LARGE1: variants seen among roughly 807,000 people sequenced by gnomAD.
LARGE1 encodes LARGE xylosyl- and glucuronyltransferase 1.
In LARGE1, 43 loss-of-function variants were observed where a neutral mutation model predicts 87.6. The observed-to-expected ratio is 0.49, with a 90% CI of 0.38 to 0.63. LARGE1 has a LOEUF of 0.63. LARGE1 is among the 30% of genes least tolerant of loss of function. The pLI is 0.00. For synonymous variants in LARGE1, 434 were observed against 394.6 expected, an observed-to-expected ratio of 1.10 and a Z score of -1.18; for missense variants, 802 against 1,000.2, an observed-to-expected ratio of 0.80 and a Z score of 2.67.
chr22:33,093,980 G>A, the LARGE1 span, among the ~76,000 whole-genome samples: 3 of 151,606 alleles, frequency 2.0e-5, no homozygotes, highest in Non-Finnish European at 2.9e-5. Context: ...TCAAAGTCCC[G>A]ACCTCAGGTG....
chr22:33,325,438 G>A (rs1433731636), intron 10 of LARGE1, among the ~76,000 whole-genome samples: 1 of 152,248 alleles, frequency 6.6e-6, no homozygotes, highest in African/African-American at 2.4e-5. Flanking sequence ...GACAGCCAGA[G>A]CAAGAGAATC....
chr22:33,922,457 G>C (rs1410797964), upstream of LARGE1: 6 of 152,258 alleles, frequency 3.9e-5, no homozygotes, highest in Non-Finnish European at 8.8e-5. Context: ...GCTTTGCCCC[G>C]GCTCCGGAGC....
chr22:33,378,894 G>A (rs2065068658), intron 9 of LARGE1, among the ~76,000 whole-genome samples: 1 of 152,138 alleles, frequency 6.6e-6, no homozygotes, highest in Admixed American at 6.5e-5. Context: ...TTACTAGAAT[G>A]GCTCCTGAAA....
chr22:33,231,076 GTTGT>G (rs1342733672), intron 11 of LARGE1, among the ~76,000 whole-genome samples: 4 of 152,108 alleles, frequency 2.6e-5, no homozygotes, highest in Admixed American at 1.3e-4. Flanking sequence ...GTAAATATTG[GTTGT>G]TTGTTGGTTG....
At chr22:33,346,415 G>C (rs958671212) in intron 9 of LARGE1, among the ~76,000 whole-genome samples, 7 of 151,820 alleles carry the variant, frequency 4.6e-5, no homozygotes, top group Non-Finnish European at 1.0e-4. Flanking sequence ...CGATTCTCCC[G>C]CCTCAGCCTC....
chr22:33,179,581 T>C (rs16991936), intron 11 of LARGE1, among the ~76,000 whole-genome samples: 12,705 of 152,266 alleles, frequency 0.083, 697 homozygotes, highest in Middle Eastern at 0.2. Flanking sequence ...TCTGCCTTTA[T>C]GAAGTTACAT....
intron 1 of LARGE1, among the ~76,000 whole-genome samples, chr22:33,824,494 CCTCCAAGCCCCTCCTCCAA>C (rs777504373): frequency 5.8e-4 from 89 of 152,298 alleles, no homozygotes; most frequent in Non-Finnish European, 1.0e-3. Flanking sequence ...CAATCACCTC[CCTCCAAGCCCCTCCTCCAA>C]CACATGGGGA....
At position 33,274,631 on chromosome 22, in the gene LARGE1, G is replaced by A; in HGVS notation, c.2074-7C>T. Reference sequence around the variant, plus strand: ...GCACAATGAACTCATACTCCTGGAAGAAGACAAGAGCAGCGTGAGAACCCG... The same window carrying A: ...GCACAATGAACTCATACTCCTGGAAAAAGACAAGAGCAGCGTGAGAACCCG... On this transcript the variant is annotated splice_region_variant and splice_polypyrimidine_tract_variant and intron_variant, in intron 14 of 14. Transcript: ENST00000397394. 3.7e-6 allele frequency: 6 copies of A among 1,613,960 alleles called. No individual in the cohort carries two copies. Among genetic ancestry groups the A allele is most frequent in the East Asian group, 4.5e-5 (2 of 44,874 alleles).
chr22:33,382,721 C>T (rs1009451578), intron 8 of LARGE1, among the ~76,000 whole-genome samples: 1 of 152,134 alleles, frequency 6.6e-6, no homozygotes, highest in South Asian at 2.1e-4. Flanking sequence ...GCCTTCGTGG[C>T]AGAAGATGGC....
intron 4 of LARGE1, among the ~76,000 whole-genome samples, chr22:33,619,145 T>G (rs1331115211): frequency 6.6e-6 from 1 of 152,116 alleles, no homozygotes; most frequent in Non-Finnish European, 1.5e-5. Context: ...TTCTTCCTGG[T>G]CACGAGACAA....
chr22:33,469,817 G>C (rs1569191816), intron 6 of LARGE1, among the ~76,000 whole-genome samples: 2 of 112,950 alleles, frequency 1.8e-5, no homozygotes, highest in Non-Finnish European at 1.9e-5. Flanking sequence ...GACAGAGTGA[G>C]ACTCCATCTT....
Position 33,604,428 on chromosome 22 carries a change from C to T in LARGE1, c.615+7G>A. On this transcript the variant is annotated splice_region_variant and intron_variant, in intron 5 of 14. Coordinates refer to ENST00000397394, the MANE Select transcript of LARGE1 (RefSeq NM_133642.5). Reference sequence around the variant, plus strand: ...GATCACGGAAGTGCCTCCCCTCCTGCCCATACCTTGAGCTCGTCTGCATTG... The same window carrying T: ...GATCACGGAAGTGCCTCCCCTCCTGTCCATACCTTGAGCTCGTCTGCATTG... The T allele has an allele frequency of 1.2e-6, 2 of 1,614,012 alleles. No individual in the cohort carries two copies. Among genetic ancestry groups the T allele is most frequent in the Non-Finnish European group, 8.5e-7 (1 of 1,179,950 alleles).
At position 33,558,912 on chromosome 22, in the gene LARGE1, G is replaced by T. The variant is rs118093621; in HGVS notation, c.787+5936C>A. On this transcript the variant is annotated intron_variant, in intron 6 of 14. Coordinates refer to ENST00000397394, the MANE Select transcript of LARGE1 (RefSeq NM_133642.5). Reference sequence around the variant, plus strand: ...GCCATCATCCCATTCACTCTGGCAGGAGTCCTTAGAGAAAATGGAATGTGG... The same window carrying T: ...GCCATCATCCCATTCACTCTGGCAGTAGTCCTTAGAGAAAATGGAATGTGG... Among the ~76,000 whole-genome samples, 590 of 152,280 alleles carry T rather than the reference G, an allele frequency of 3.9e-3. 1 individual carries two copies. The highest frequency in any genetic ancestry group is 7.1e-3 in the Non-Finnish European group (483 of 68,022).
intron 2 of LARGE1, among the ~76,000 whole-genome samples, chr22:33,753,152 G>A (rs772677652): frequency 5.3e-5 from 8 of 152,138 alleles, no homozygotes; most frequent in African/African-American, 9.7e-5. Flanking sequence ...CCAGGGAGTC[G>A]GAGGTTGCAG....
intron 2 of LARGE1, among the ~76,000 whole-genome samples, chr22:33,656,379 C>T (rs776336105): frequency 6.6e-6 from 1 of 152,110 alleles, no homozygotes; most frequent in Non-Finnish European, 1.5e-5. Context: ...ACCATGAGAA[C>T]AGTATGAGGG....
At chr22:33,359,965 G>A (rs187625624) in intron 9 of LARGE1, among the ~76,000 whole-genome samples, 3 of 149,530 alleles carry the variant, frequency 2.0e-5, no homozygotes, top group Admixed American at 2.0e-4. Flanking sequence ...CCATATATGG[G>A]ACCAAAGTCC....
chr22:33,855,494 G>A (rs941069875), intron 1 of LARGE1, among the ~76,000 whole-genome samples: 5 of 152,140 alleles, frequency 3.3e-5, no homozygotes, highest in African/African-American at 7.2e-5. Context: ...CTCAGGGTCT[G>A]GAGGGCCCAT....
At chr22:33,749,309 T>C (rs1469053869) in intron 2 of LARGE1, among the ~76,000 whole-genome samples, 1 of 152,186 alleles carries the variant, frequency 6.6e-6, no homozygotes, top group African/African-American at 2.4e-5. Flanking sequence ...AGATGGGGTT[T>C]CTCCATGTTG....
At chr22:33,871,306 C>T (rs2064273589) in intron 1 of LARGE1, among the ~76,000 whole-genome samples, 1 of 152,168 alleles carries the variant, frequency 6.6e-6, no homozygotes, top group South Asian at 2.1e-4. Flanking sequence ...TAAAATAAAG[C>T]TCCTGTCTTA....
Sources: allele counts gnomAD v4.1 joint callset (sites outside exome capture counted in the v4.1 genomes callset), GRCh38; gene constraint gnomAD v4.1.1; transcripts MANE v1.5; gene names NCBI Gene and HGNC (gene_info 2026-07-23, HGNC 2026-07-21).